USH2A: variants seen among roughly 807,000 people sequenced by gnomAD.
USH2A encodes usherin.
A neutral mutation model predicts 538.9 loss-of-function variants in USH2A; 443 were observed. The ratio of observed to expected loss-of-function variants is 0.82; its 90% CI spans 0.76 to 0.89. USH2A has a LOEUF of 0.89. USH2A is among the 40% of genes least tolerant of loss of function. USH2A has a pLI of 0.00. For synonymous variants in USH2A, 2,413 were observed against 2,273.5 expected (o/e 1.06, Z -1.75); for missense variants, 6,633 against 6,324.8 (o/e 1.05, Z -1.65).
chr1:216,364,429 TC>T (rs1488449511), intron 4 of USH2A, among the ~76,000 whole-genome samples: 1 of 152,164 alleles, frequency 6.6e-6, no homozygotes, highest in Admixed American at 6.5e-5. Flanking sequence ...ATATAGTAGA[TC>T]CCAAAAGATC....
At chr1:215,882,895 C>T (rs904207760) in intron 41 of USH2A, among the ~76,000 whole-genome samples, 11 of 152,030 alleles carry the variant, frequency 7.2e-5, no homozygotes, top group African/African-American at 2.4e-4. Context: ...AATATGTGCT[C>T]TTGTGTTTAT....
At chr1:216,386,541 CTATATA>C (rs66638535) in intron 3 of USH2A, among the ~76,000 whole-genome samples, 3,798 of 133,058 alleles carry the variant, frequency 0.029, 175 homozygotes, top group African/African-American at 0.093. Flanking sequence ...AACCAAAAAA[CTATATA>C]TATATATATA....
chr1:215,774,558 T>C (rs181092610), intron 55 of USH2A, among the ~76,000 whole-genome samples: 1 of 152,202 alleles, frequency 6.6e-6, no homozygotes, highest in African/African-American at 2.4e-5. Flanking sequence ...TAATAAATAC[T>C]TTTCCTCTTT....
intron 61 of USH2A, among the ~76,000 whole-genome samples, chr1:215,707,716 A>G (rs1659219357): frequency 6.6e-6 from 1 of 152,230 alleles, no homozygotes; most frequent in African/African-American, 2.4e-5. Flanking sequence ...TCTAGGCACT[A>G]AATGGAAAGG....
intron 11 of USH2A, among the ~76,000 whole-genome samples, chr1:216,272,284 T>C (rs1033622124): frequency 1.2e-4 from 19 of 152,164 alleles, no homozygotes; most frequent in African/African-American, 4.6e-4. Context: ...CATAAAACTG[T>C]AATTTTTTAA....
At chr1:216,246,229 G>A (rs1339119834) in intron 13 of USH2A, among the ~76,000 whole-genome samples, 12 of 152,076 alleles carry the variant, frequency 7.9e-5, no homozygotes, top group South Asian at 2.1e-4. Context: ...GCATTGTATG[G>A]ATATTCAACT....
At chr1:216,140,241 C>T (rs925014769) in intron 21 of USH2A, among the ~76,000 whole-genome samples, 2 of 152,048 alleles carry the variant, frequency 1.3e-5, no homozygotes, top group African/African-American at 4.8e-5. Flanking sequence ...GAATACAGCT[C>T]CCACAAAGAA....
chr1:215,987,270 G>C (rs1460236888), intron 35 of USH2A, among the ~76,000 whole-genome samples: 1 of 149,882 alleles, frequency 6.7e-6, no homozygotes, highest in Non-Finnish European at 1.5e-5. Flanking sequence ...CTTTAATTAC[G>C]CAATTGCAAT....
chr1:216,268,986 C>G (rs1031835380), intron 11 of USH2A, among the ~76,000 whole-genome samples: 2 of 152,122 alleles, frequency 1.3e-5, no homozygotes, highest in African/African-American at 4.8e-5. Context: ...TCTTTCTCTT[C>G]CAACTCCCCA....
chr1:215,786,689 T>C lies in USH2A; in HGVS notation c.10368A>G (p.Val3456=). The C allele has an allele frequency of 6.2e-7, 1 of 1,614,038 alleles. No individual in the cohort carries two copies. Among genetic ancestry groups the C allele is most frequent in the Non-Finnish European group, 8.5e-7 (1 of 1,179,926 alleles). The change falls in exon 52 of 72, where the codon GTA becomes GTG. Residue 3456 remains valine (V), a synonymous_variant. Coordinates refer to ENST00000307340, the MANE Select transcript of USH2A (RefSeq NM_206933.4). ...TGTTACCTGTGTAAGAGTACGTGTT[T>C]ACACTCCCTGTATGAATGGTTTCTT... is the stretch of plus-strand genomic sequence containing the variant. ...SAEETIHTGS[V]NTYSYTDVNL...
At chr1:216,263,819 G>A (rs2036420308) in intron 11 of USH2A, among the ~76,000 whole-genome samples, 1 of 152,094 alleles carries the variant, frequency 6.6e-6, no homozygotes, top group Admixed American at 6.6e-5. Flanking sequence ...TGGAGAGGAG[G>A]AAGTCAACTA....
intron 21 of USH2A, among the ~76,000 whole-genome samples, chr1:216,140,825 G>A (rs918512098): frequency 5.9e-5 from 9 of 152,322 alleles, no homozygotes; most frequent in African/African-American, 2.2e-4. Flanking sequence ...AAAAGCCTCA[G>A]GAAGAGGCAC....
At chr1:216,237,626 TA>T (rs1310117354) in intron 13 of USH2A, among the ~76,000 whole-genome samples, 5 of 152,158 alleles carry the variant, frequency 3.3e-5, no homozygotes, top group African/African-American at 1.2e-4. Flanking sequence ...CCAATTAGAT[TA>T]AAATGAGAAT....
intron 37 of USH2A, among the ~76,000 whole-genome samples, chr1:215,937,270 C>T (rs1410362464): frequency 1.3e-5 from 2 of 152,036 alleles, no homozygotes; most frequent in Admixed American, 1.3e-4. Flanking sequence ...TAATGCACTC[C>T]TCTATATGTG....
chr1:216,036,170 G>GA (rs1484675534), intron 32 of USH2A, among the ~76,000 whole-genome samples: 1 of 152,088 alleles, frequency 6.6e-6, no homozygotes, highest in East Asian at 1.9e-4. Flanking sequence ...GAAGACTAGG[G>GA]AAAACTAGAG....
Position 216,231,893 on chromosome 1 carries a change from CA to C in USH2A, c.2993+59del, listed in dbSNP as rs1251027649. The C allele has an allele frequency of 1.2e-5, 20 of 1,606,728 alleles. No individual in the cohort carries two copies. The African/African-American group carries it at 1.3e-4, about 11-fold the overall frequency. On this transcript the variant is annotated intron_variant, in intron 14 of 71. Coordinates refer to ENST00000307340, the MANE Select transcript of USH2A (RefSeq NM_206933.4). ...ACAGAAGTTATTGCTTTGCAACTGC[CA>C]AAAAAAGTTAACTGTTGCTAAAGAA... is the stretch of plus-strand genomic sequence containing the variant.
At chr1:215,884,400 C>T (rs1461361868) in intron 41 of USH2A, among the ~76,000 whole-genome samples, 1 of 152,054 alleles carries the variant, frequency 6.6e-6, no homozygotes, top group East Asian at 1.9e-4. Flanking sequence ...CCATTTGTTG[C>T]AGTGTAAAGA....
In USH2A at chr1:215,815,513, C is replaced by G. The variant is rs1662832654; in HGVS notation, c.9570+1484G>C. Among the ~76,000 whole-genome samples, 3 of 151,622 alleles carry G rather than the reference C, an allele frequency of 2.0e-5. No individual in the cohort carries two copies. In the South Asian group the frequency reaches 6.2e-4, roughly 32 times the overall value. ...ACTGAATTTAGGAATGTTACACCAA[C>G]CAGTCACTTATTTGGTACAAAGCTT... On this transcript the variant is annotated intron_variant, in intron 48 of 71. Coordinates refer to ENST00000307340, the MANE Select transcript of USH2A (RefSeq NM_206933.4).
At chr1:215,960,661 T>A (rs1476212161) in intron 37 of USH2A, among the ~76,000 whole-genome samples, 1 of 152,108 alleles carries the variant, frequency 6.6e-6, no homozygotes, top group Non-Finnish European at 1.5e-5. Flanking sequence ...AAAGTGCTAA[T>A]CCTTACTTTT....
Sources: gnomAD v4.1 joint callset for allele counts (sites outside exome capture counted in the v4.1 genomes callset) on GRCh38, gnomAD v4.1.1 for gene constraint, MANE v1.5 for transcripts, NCBI Gene and HGNC (gene_info 2026-07-23, HGNC 2026-07-21) for gene names.